The following GYS2 variants were observed in gnomAD, a reference collection of about 807,000 sequenced individuals.
GYS2 encodes the protein glycogen [starch] synthase, liver.
Under a neutral mutation model 85.6 loss-of-function variants are expected in GYS2, and 80 were observed. The ratio of observed to expected loss-of-function variants is 0.93; its 90% CI spans 0.78 to 1.13. The LOEUF (loss-of-function observed/expected upper bound fraction) is 1.13. GYS2 is among the 50% of genes most tolerant of loss of function. The pLI is 0.00. For missense variants in GYS2, 881 were observed against 854.9 expected (o/e 1.03, Z -0.38); for synonymous variants, 328 against 300.7 (o/e 1.09, Z -0.94).
At chr12:21,588,857 CTT>C (rs1471394481) in intron 1 of GYS2, among the ~76,000 whole-genome samples, 2 of 152,212 alleles carry the variant, frequency 1.3e-5, no homozygotes. Flanking sequence ...GAAAAATAAA[CTT>C]AGCCAATTTG....
chr12:21,603,265 A>G (rs1014194068), intron 1 of GYS2, among the ~76,000 whole-genome samples: 9 of 152,110 alleles, frequency 5.9e-5, no homozygotes, highest in African/African-American at 2.2e-4. Flanking sequence ...TTTCTCACTA[A>G]ACTACAGAGA....
rs1422715318 is a variant in GYS2, at chr12:21,560,418, G to A, written c.1137C>T (p.Thr379=). ...PAKTNNFNVE[T]LKGQAVRKQL... is the part of the protein sequence containing the mutation. ...GTTTTCGCACTGCTTGTCCTTTCAG[G>A]GTTTCCACGTTGAAATTATTTGTCT... Residue 379 remains threonine (T), a synonymous_variant, in exon 8 of 16, where the codon ACC becomes ACT. Transcript: ENST00000261195. 6.2e-7 allele frequency: 1 copy of A among 1,607,872 alleles called. No individual in the cohort carries two copies. Among genetic ancestry groups the A allele is most frequent in the Non-Finnish European group, 8.5e-7 (1 of 1,174,544 alleles).
At position 21,546,337 on chromosome 12, in the gene GYS2, C is replaced by T. The variant is rs1944039044; in HGVS notation, c.1549+7G>A. 4 of 1,591,464 alleles carry T rather than the reference C, an allele frequency of 2.5e-6. No homozygotes were observed. Among genetic ancestry groups the T allele is most frequent in the African/African-American group, 2.7e-5 (2 of 74,566 alleles). On this transcript the variant is annotated splice_region_variant and intron_variant, in intron 12 of 15. Coordinates refer to ENST00000261195, the MANE Select transcript of GYS2 (RefSeq NM_021957.4). ...AAAACATTCCACACTCTATACATGA[C>T]ACATACCTGGAGTATAACCCCAGGG...
At chr12:21,572,866 ACT>A (rs1944402210) in intron 4 of GYS2, among the ~76,000 whole-genome samples, 1 of 152,070 alleles carries the variant, frequency 6.6e-6, no homozygotes, top group African/African-American at 2.4e-5. Context: ...TCAATCTGCC[ACT>A]CTAATATTTT....
At chr12:21,553,696 A>G (rs1025050327) in intron 11 of GYS2, among the ~76,000 whole-genome samples, 1 of 152,186 alleles carries the variant, frequency 6.6e-6, no homozygotes, top group African/African-American at 2.4e-5. Flanking sequence ...GGTAAAACAG[A>G]ATGGAAAGGT....
At chr12:21,597,744 T>G (rs1944712404) in intron 1 of GYS2, among the ~76,000 whole-genome samples, 1 of 152,104 alleles carries the variant, frequency 6.6e-6, no homozygotes, top group African/African-American at 2.4e-5. Flanking sequence ...CAGATACTGG[T>G]ACCACACTGT....
rs769747169 is a variant in GYS2, at chr12:21,542,529, T to C, written c.1612A>G (p.Met538Val). 1 of 1,613,636 alleles carries C rather than the reference T, an allele frequency of 6.2e-7. No homozygotes were observed. Among genetic ancestry groups the C allele is most frequent in the South Asian group, 1.1e-5 (1 of 91,084 alleles). The change falls in exon 13 of 16, where the codon ATG (methionine) becomes GTG (valine). Residue 538 changes from methionine to valine, a missense_variant. Met to Val is a conservative substitution (Grantham distance 21). Transcript: ENST00000261195. The stretch of plus-strand genomic sequence containing the variant: ...GTAGGATCAGCCACGTGCTCCTGCA[T>C]GAAACAGCCAAACCCGGAGAGATTC... ...TTNLSGFGCF[M>V]QEHVADPTAY... is the part of the protein sequence containing the mutation.
chr12:21,547,628 A>G (rs746146609), intron 11 of GYS2, among the ~76,000 whole-genome samples: 21 of 152,144 alleles, frequency 1.4e-4, no homozygotes, highest in Non-Finnish European at 2.2e-4. Flanking sequence ...TGAGGGAGGG[A>G]TGAGTGGGCA....
At chr12:21,600,394 T>A (rs1944742648) in intron 1 of GYS2, among the ~76,000 whole-genome samples, 1 of 152,138 alleles carries the variant, frequency 6.6e-6, no homozygotes, top group Admixed American at 6.6e-5. Context: ...TTGAAAAGTG[T>A]TGAGATTACA....
chr12:21,562,618 T>C (rs529402033), intron 7 of GYS2, among the ~76,000 whole-genome samples: 5 of 117,504 alleles, frequency 4.3e-5, no homozygotes, highest in African/African-American at 1.6e-4. Flanking sequence ...AAAGGGATGT[T>C]ATAATGACTT....
chr12:21,542,597 AG>A lies in GYS2; in HGVS notation c.1550-7del. On this transcript the variant is annotated splice_polypyrimidine_tract_variant and splice_region_variant and intron_variant, in intron 12 of 15. Coordinates refer to ENST00000261195, the MANE Select transcript of GYS2 (RefSeq NM_021957.4). Reference sequence around the variant, plus strand: ...ACCCATCACAGTGCATTCAGCTGCCAGGGGAAATAGACCAAAGCTTGGCTTC... The same window carrying A: ...ACCCATCACAGTGCATTCAGCTGCCAGGGAAATAGACCAAAGCTTGGCTTC... 6.3e-7 allele frequency: 1 copy of A among 1,599,712 alleles called. No homozygotes were observed. The highest frequency in any genetic ancestry group is 1.7e-4 in the Middle Eastern group (1 of 6,030).
intron 1 of GYS2, among the ~76,000 whole-genome samples, chr12:21,591,230 C>T (rs1305443444): frequency 6.6e-6 from 1 of 151,672 alleles, no homozygotes; most frequent in African/African-American, 2.4e-5. Context: ...CTCAGATAAA[C>T]AATAAAAAGA....
intron 11 of GYS2, among the ~76,000 whole-genome samples, chr12:21,549,088 G>T (rs1050346760): frequency 3.3e-5 from 5 of 152,154 alleles, no homozygotes; most frequent in Admixed American, 3.3e-4. Flanking sequence ...CCATTACAAT[G>T]TGAGTGGCAC....
At chr12:21,601,119 TG>T (rs1944751692) in intron 1 of GYS2, among the ~76,000 whole-genome samples, 1 of 152,080 alleles carries the variant, frequency 6.6e-6, no homozygotes, top group African/African-American at 2.4e-5. Flanking sequence ...CTCCAGAGTT[TG>T]TAATGTTCTG....
At chr12:21,542,636 A>G in intron 12 of GYS2, 45 bp from the exon 13 acceptor site, 1 of 1,227,274 alleles carries the variant, frequency 8.1e-7, no homozygotes, top group Non-Finnish European at 1.2e-6. Flanking sequence ...ACCAGCGCCT[A>G]TATCCTTGTA....
In GYS2 at chr12:21,543,767, G is replaced by A. The variant is rs192434243; in HGVS notation, c.1550-1176C>T. ...CTCGCCCCACAACCCGACAGGCCCCGATGTGTGATGTTCCCCTCCCTGTGT... is the reference window on the plus strand; with the variant it reads ...CTCGCCCCACAACCCGACAGGCCCCAATGTGTGATGTTCCCCTCCCTGTGT... On this transcript the variant is annotated intron_variant, in intron 12 of 15. Transcript: ENST00000261195. 2.9e-3 allele frequency among the ~76,000 whole-genome samples: 437 copies of A among 152,204 alleles called. 6 individuals are homozygous for A. In the Middle Eastern group the frequency reaches 0.037, roughly 13 times the overall value.
chr12:21,593,310 C>CAAT (rs141763467), intron 1 of GYS2, among the ~76,000 whole-genome samples: 1 of 150,472 alleles, frequency 6.6e-6, no homozygotes, highest in Non-Finnish European at 1.5e-5. Flanking sequence ...AAAACAACAA[C>CAAT]AAGGGATTAG....
intron 10 of GYS2, among the ~76,000 whole-genome samples, chr12:21,558,811 G>A (rs1944215369): frequency 6.6e-6 from 1 of 152,012 alleles, no homozygotes; most frequent in Non-Finnish European, 1.5e-5. Flanking sequence ...GGACTTTTTT[G>A]TAGTTACTAA....
At chr12:21,585,593 A>C (rs1944563648) in intron 1 of GYS2, among the ~76,000 whole-genome samples, 1 of 148,918 alleles carries the variant, frequency 6.7e-6, no homozygotes, top group South Asian at 2.1e-4. Context: ...AGACCTGCTG[A>C]GGTGCTTGCT....
Sources: allele counts gnomAD v4.1 joint callset (sites outside exome capture counted in the v4.1 genomes callset), GRCh38; gene constraint gnomAD v4.1.1; transcripts MANE v1.5; gene names NCBI Gene and HGNC (gene_info 2026-07-23, HGNC 2026-07-21).